The following SLC16A1 variants were observed in gnomAD, a reference collection of about 807,000 sequenced individuals.
SLC16A1 encodes the protein monocarboxylate transporter 1.
SLC16A1 carries 11 observed loss-of-function variants against 32.2 expected under a neutral mutation model. The ratio of observed to expected loss-of-function variants is 0.34; its 90% CI spans 0.21 to 0.56. The LOEUF is 0.56. Among genes scored for constraint, SLC16A1 ranks in the 20% least tolerant of loss-of-function variants. SLC16A1 has a pLI of 0.87. For missense variants in SLC16A1, 435 were observed against 615.0 expected (o/e 0.71, Z 3.10); for synonymous variants, 231 against 226.8 (o/e 1.02, Z -0.17).
chr1:112,914,666 T>C (rs1041863287), intron 4 of SLC16A1, among the ~76,000 whole-genome samples: 1 of 152,246 alleles, frequency 6.6e-6, no homozygotes, highest in Admixed American at 6.5e-5. Flanking sequence ...CAGATTCTAT[T>C]ATCATCCTCA....
At chr1:112,955,661 A>C (rs41283088) in intron 1 of SLC16A1, 27,550 of 152,108 alleles carry the variant, frequency 0.18, 2,750 homozygotes, top group Non-Finnish European at 0.23. Flanking sequence ...TACCACATGC[A>C]GCAGCCTCAT....
intron 2 of SLC16A1, chr1:112,922,500 G>A (rs1294049590): frequency 3.4e-5 from 10 of 295,556 alleles, no homozygotes; most frequent in Non-Finnish European, 5.2e-5. Context: ...GTGGCTGGGC[G>A]CAGTAGCTCA....
intron 1 of SLC16A1, among the ~76,000 whole-genome samples, chr1:112,942,563 G>C (rs1213857605): frequency 6.6e-6 from 1 of 152,178 alleles, no homozygotes; most frequent in Non-Finnish European, 1.5e-5. Flanking sequence ...CTGCTAACCA[G>C]CATTAAGAGC....
chr1:112,936,164 T>C (rs1018724792), intron 1 of SLC16A1, among the ~76,000 whole-genome samples: 6 of 152,338 alleles, frequency 3.9e-5, no homozygotes, highest in Non-Finnish European at 7.3e-5. Context: ...ATAAATGTGT[T>C]GATACACATC....
chr1:112,924,119 C>T (rs998295180), intron 2 of SLC16A1: 42 of 1,385,006 alleles, frequency 3.0e-5, no homozygotes, highest in Admixed American at 5.0e-5. Context: ...CCGCGTATGG[C>T]GCCAGCGCCC....
Position 112,914,058 on chromosome 1 carries a change from G to A in SLC16A1, c.1336C>T (p.Arg446Ter), listed in dbSNP as rs766172980. ...GCTTTCTGTTCTTTTGCCAAAAGTC[G>A]ATAATTGATGCCCATGCCAATGAAG... ...YLFIGMGINY[R>*]LLAKEQKANE... Residue 446 changes from arginine (R) to a stop codon, truncating the protein, a stop_gained, in exon 5 of 5, where the codon CGA becomes TGA. Transcript: ENST00000369626. LOFTEE classifies it low-confidence loss of function (END_TRUNC). 1.2e-6 allele frequency: 2 copies of A among 1,614,074 alleles called. No homozygotes were observed. The highest frequency in any genetic ancestry group is 1.7e-6 in the Non-Finnish European group (2 of 1,180,024).
Position 112,917,042 on chromosome 1 carries a change from C to T in SLC16A1, c.1228+136G>A. ...GCAATTATGCTGTGCCAAGCATTGT[C>T]CCAGCATCAAGGGTACATAAATGAG... On this transcript the variant is annotated intron_variant, in intron 4 of 4. Coordinates refer to ENST00000369626, the MANE Select transcript of SLC16A1 (RefSeq NM_003051.4). This position sits in a 1 kb window ranked among gnomAD's most constrained non-coding sequence, Gnocchi z 4.1. 9.0e-7 allele frequency: 1 copy of T among 1,115,564 alleles called. No homozygotes were observed. 69.1% of individuals were successfully genotyped at this position (1,115,564 alleles called of 1,614,324 possible).
At chr1:112,940,743 T>C (rs1026070167) in intron 1 of SLC16A1, among the ~76,000 whole-genome samples, 3 of 152,218 alleles carry the variant, frequency 2.0e-5, no homozygotes, top group African/African-American at 7.2e-5. Flanking sequence ...TGATAAAAAG[T>C]ATGCACATAC....
chr1:112,949,326 G>A (rs1649809461), intron 1 of SLC16A1, among the ~76,000 whole-genome samples: 1 of 152,218 alleles, frequency 6.6e-6, no homozygotes, highest in South Asian at 2.1e-4. Context: ...TGGGATTACA[G>A]GCGTGAGCCA....
intron 3 of SLC16A1, among the ~76,000 whole-genome samples, chr1:112,919,286 G>A (rs1048417980): frequency 6.6e-6 from 1 of 151,934 alleles, no homozygotes; most frequent in Non-Finnish European, 1.5e-5. Flanking sequence ...CACCTGGCTC[G>A]GCCTCCCAAA....
In SLC16A1 at chr1:112,917,511, C is replaced by T; in HGVS notation, c.895G>A (p.Ala299Thr). 2 of 1,614,178 alleles carry T rather than the reference C, an allele frequency of 1.2e-6. No homozygotes were observed. Among genetic ancestry groups the T allele is most frequent in the Non-Finnish European group, 1.7e-6 (2 of 1,180,024 alleles). Residue 299 changes from alanine (A) to threonine (T), a missense_variant, in exon 4 of 5, where the codon GCC becomes ACC. Around this residue, in one of 2 missense-constraint regions of SLC16A1, gnomAD observed 324 missense variants for 500.3 expected, o/e 0.65. Coordinates refer to ENST00000369626, the MANE Select transcript of SLC16A1 (RefSeq NM_003051.4). The surrounding 1 kb of genome is among the most constrained non-coding windows in gnomAD (Gnocchi z 4.1). ...AAAGCCAGAATGGAAAGAAGGAAGG[C>T]AGACTTCTCACTAGAATAATGCTGA... is the stretch of plus-strand genomic sequence containing the variant. The part of the protein sequence containing the change: ...KSQHYSSEKS[A>T]FLLSILAFVD...
chr1:112,925,697 T>C (rs563012982), intron 2 of SLC16A1, among the ~76,000 whole-genome samples: 2 of 152,326 alleles, frequency 1.3e-5, no homozygotes, highest in South Asian at 4.1e-4. Flanking sequence ...TTACTTGCTA[T>C]AAATAGGTAT....
At chr1:112,925,528 G>A (rs1372970332) in intron 2 of SLC16A1, among the ~76,000 whole-genome samples, 14 of 152,016 alleles carry the variant, frequency 9.2e-5, no homozygotes, top group Non-Finnish European at 2.1e-4. Context: ...TCAGGTGCAT[G>A]CCACCGTGCC....
intron 1 of SLC16A1, among the ~76,000 whole-genome samples, chr1:112,933,047 A>AGAT (rs1649190104): frequency 6.6e-6 from 1 of 152,158 alleles, no homozygotes; most frequent in Admixed American, 6.5e-5. Flanking sequence ...ATCTCACAAA[A>AGAT]GATGTATGAG....
chr1:112,942,790 T>C (rs763949840), intron 1 of SLC16A1, among the ~76,000 whole-genome samples: 3 of 152,370 alleles, frequency 2.0e-5, no homozygotes, highest in South Asian at 4.1e-4. Flanking sequence ...TACCCTATGA[T>C]GCTACTATTG....
chr1:112,928,943 A>C, intron 2 of SLC16A1, 149 bp downstream of exon 2: 4 of 650,598 alleles, frequency 6.1e-6, no homozygotes, highest in Non-Finnish European at 1.1e-5. Flanking sequence ...ATCAGGAATG[A>C]AAAATGTGAC....
intron 1 of SLC16A1, among the ~76,000 whole-genome samples, chr1:112,933,113 C>T (rs1459919509): frequency 2.0e-5 from 3 of 152,072 alleles, no homozygotes; most frequent in Non-Finnish European, 4.4e-5. Context: ...CCTATCCTCT[C>T]GGACTGAAAG....
At chr1:112,942,150 T>G (rs956050168) in intron 1 of SLC16A1, among the ~76,000 whole-genome samples, 1 of 152,122 alleles carries the variant, frequency 6.6e-6, no homozygotes, top group East Asian at 1.9e-4. Flanking sequence ...TTTTGTATTT[T>G]TAGTACAGAC....
chr1:112,916,359 A>G (rs944722766), intron 4 of SLC16A1, among the ~76,000 whole-genome samples: 1 of 151,478 alleles, frequency 6.6e-6, no homozygotes, highest in Non-Finnish European at 1.5e-5. Context: ...TTAGCTGGGC[A>G]TGGTGGTGGG....
Sources: gnomAD v4.1 joint callset for allele counts (sites outside exome capture counted in the v4.1 genomes callset) on GRCh38, gnomAD v4.1.1 for gene constraint, gnomAD v4.1.1 regional missense constraint, Gnocchi (gnomAD v3.1) non-coding constraint, MANE v1.5 for transcripts, NCBI Gene and HGNC (gene_info 2026-07-23, HGNC 2026-07-21) for gene names.